The following PTPRN variants were observed in gnomAD, a reference collection of about 807,000 sequenced individuals.
The protein encoded by PTPRN is receptor-type tyrosine-protein phosphatase-like N.
PTPRN carries 70 observed loss-of-function variants against 108.5 expected under a neutral mutation model. The ratio of observed to expected loss-of-function variants is 0.65; its 90% CI spans 0.53 to 0.79. PTPRN has a LOEUF of 0.79. Among genes scored for constraint, PTPRN ranks in the 30% least tolerant of loss-of-function variants. PTPRN has a pLI of 0.00. For missense variants in PTPRN, 1,136 were observed against 1,295.5 expected, an observed-to-expected ratio of 0.88 and a Z score of 1.89; for synonymous variants, 496 against 524.6, an observed-to-expected ratio of 0.95 and a Z score of 0.75.
chr2:219,308,827 G>A lies in PTPRN; in HGVS notation c.115+391C>T. 4 of 1,306,370 alleles carry A rather than the reference G, an allele frequency of 3.1e-6. No individual in the cohort carries two copies. The South Asian group carries it at 3.7e-5, about 12-fold the overall frequency. 80.9% of individuals were successfully genotyped at this position (1,306,370 alleles called of 1,614,324 possible). A position where few individuals can be genotyped will look rare whatever the true frequency, so the allele number is the denominator to read the frequency against. ...AGGCTTCCACTGCCCAGAGATCACC[G>A]TTCCCTCATTCTCCCCGCCACCTCC... On this transcript the variant is annotated intron_variant, in intron 1 of 22. Coordinates refer to ENST00000295718, the MANE Select transcript of PTPRN (RefSeq NM_002846.4).
rs533092333 is a variant in PTPRN at position 219,293,299 on chromosome 2, G to A, written c.2675+1676C>T. ...AGGTTTAAGAGATTCTCCTGCCTCA[G>A]CCTCCCGAGTAGCTGGGAGTACAGG... On this transcript the variant is annotated intron_variant, in intron 19 of 22. Transcript: ENST00000295718. 5.3e-5 allele frequency among the ~76,000 whole-genome samples: 8 copies of A among 152,226 alleles called. No individual in the cohort carries two copies. In the East Asian group the frequency reaches 1.4e-3, roughly 26 times the overall value.
Position 219,297,293 on chromosome 2 carries a change from CG to C in PTPRN, c.2027del (p.Pro676ArgfsTer19). 6.2e-7 allele frequency: 1 copy of C among 1,614,004 alleles called. No individual in the cohort carries two copies. On this transcript the variant is annotated frameshift_variant, in exon 14 of 23. Coordinates refer to ENST00000295718, the MANE Select transcript of PTPRN (RefSeq NM_002846.4). LOFTEE classifies it high-confidence loss of function. This position sits in a 1 kb window ranked among gnomAD's most constrained non-coding sequence, Gnocchi z 6.0. Reference protein sequence around the residue: ...QASPSSHSSTPSWCEEPAQAN... With the variant: ...QASPSSHSSTXSWCEEPAQAN... ...CTTGGGCCGGCTCCTCGCACCAGGA[CG>C]GGGTGCTGCTGTGGGAGCTGGGGCT... is the stretch of plus-strand genomic sequence containing the variant.
chr2:219,290,107 G>A lies in PTPRN; in HGVS notation c.*119C>T, dbSNP rs1481172116. ...TGGCTTTCCCTTCCTGACTCTTCTA[G>A]GAAGGGCTGAGCATGCCCAAGAGGT... On this transcript the variant is annotated 3_prime_UTR_variant, in exon 23 of 23. Coordinates refer to ENST00000295718, the MANE Select transcript of PTPRN (RefSeq NM_002846.4). This position sits in a 1 kb window ranked among gnomAD's most constrained non-coding sequence, Gnocchi z 4.2. 28 of 975,944 alleles carry A rather than the reference G, an allele frequency of 2.9e-5. No individual in the cohort carries two copies. The highest frequency in any genetic ancestry group is 4.3e-4 in the Middle Eastern group (2 of 4,614). 60.5% of individuals were successfully genotyped at this position (975,944 alleles called of 1,614,324 possible).
intron 19 of PTPRN, among the ~76,000 whole-genome samples, chr2:219,294,566 G>C (rs77242849): frequency 0.11 from 16,500 of 145,298 alleles, 1,148 homozygotes; most frequent in Middle Eastern, 0.25. Context: ...GAGAGACGGA[G>C]GGGGCAGCAA....
At chr2:219,291,002 G>A (rs893227989) in intron 20 of PTPRN, 112 bp from the exon 21 acceptor site, 40 of 1,050,482 alleles carry the variant, frequency 3.8e-5, no homozygotes, top group African/African-American at 3.0e-4. Flanking sequence ...TGGGTGACCC[G>A]TTGGGGTTGG....
At chr2:219,304,705 A>G (rs886819390) in intron 3 of PTPRN, among the ~76,000 whole-genome samples, 1 of 152,208 alleles carries the variant, frequency 6.6e-6, no homozygotes, top group Non-Finnish European at 1.5e-5. Context: ...TCCTCTGAGC[A>G]CTAGATTTCA....
chr2:219,307,675 T>C lies in PTPRN; in HGVS notation c.166+117A>G. On this transcript the variant is annotated intron_variant, in intron 2 of 22. Transcript: ENST00000295718. Reference sequence around the variant, plus strand: ...CCCTACCTCTCCTCCTCCAGGCAAGTCTTCCTTCTTCTCAAGCCCAGTAGC... The same window carrying C: ...CCCTACCTCTCCTCCTCCAGGCAAGCCTTCCTTCTTCTCAAGCCCAGTAGC... 4 of 1,465,322 alleles carry C rather than the reference T, an allele frequency of 2.7e-6. No homozygotes were observed. In the Middle Eastern group the frequency reaches 7.3e-4, roughly 266 times the overall value. 90.8% of individuals were successfully genotyped at this position (1,465,322 alleles called of 1,614,324 possible).
Position 219,296,142 on chromosome 2 carries a change from T to C in PTPRN, c.2508+84A>G. 1 of 1,584,074 alleles carries C rather than the reference T, an allele frequency of 6.3e-7. No individual in the cohort carries two copies. Among genetic ancestry groups the C allele is most frequent in the Non-Finnish European group, 8.7e-7 (1 of 1,155,890 alleles). ...CCTTTTTAAAAAGACTGTTGAGTGC[T>C]CATTTGGTGAAGAAAACGTTACGAA... On this transcript the variant is annotated intron_variant, in intron 18 of 22. Coordinates refer to ENST00000295718, the MANE Select transcript of PTPRN (RefSeq NM_002846.4). This position sits in a 1 kb window ranked among gnomAD's most constrained non-coding sequence, Gnocchi z 6.0.
chr2:219,306,582 C>T (rs757674158), intron 3 of PTPRN, among the ~76,000 whole-genome samples: 9 of 152,162 alleles, frequency 5.9e-5, no homozygotes, highest in Non-Finnish European at 1.2e-4. Flanking sequence ...TCCTTCTTTA[C>T]TCAGAGTAAA....
Position 219,290,663 on chromosome 2 carries a change from A to G in PTPRN, c.2795-52T>C, listed in dbSNP as rs1323632758. 3 of 1,520,424 alleles carry G rather than the reference A, an allele frequency of 2.0e-6. No homozygotes were observed. The highest frequency in any genetic ancestry group is 2.7e-6 in the Non-Finnish European group (3 of 1,118,322). 94.2% of individuals were successfully genotyped at this position (1,520,424 alleles called of 1,614,324 possible). On this transcript the variant is annotated intron_variant, in intron 21 of 22. Coordinates refer to ENST00000295718, the MANE Select transcript of PTPRN (RefSeq NM_002846.4). This position sits in a 1 kb window ranked among gnomAD's most constrained non-coding sequence, Gnocchi z 4.2. ...GCTCAGGGGGTGTCCAGAGGAGGACAGGACCCAGAAAACCTGAGGCCTCCT... is the reference window on the plus strand; with the variant it reads ...GCTCAGGGGGTGTCCAGAGGAGGACGGGACCCAGAAAACCTGAGGCCTCCT...
In PTPRN at chr2:219,300,237, C is replaced by T; in HGVS notation, c.1184G>A (p.Gly395Asp). ...GGCTGGAAGCTCTGCTGTGTCTCTG[C>T]CCTCCACCGGCCCCTCCATTGTCTG... ...IKKTMEGPVE[G>D]RDTAELPART... Residue 395 changes from glycine to aspartate, a missense_variant, in exon 9 of 23, where the codon GGC becomes GAC. Physicochemically the swap from Gly to Asp is moderately conservative, Grantham distance 94. Coordinates refer to ENST00000295718, the MANE Select transcript of PTPRN (RefSeq NM_002846.4). The T allele has an allele frequency of 6.3e-7, 1 of 1,580,876 alleles. No individual in the cohort carries two copies. Among genetic ancestry groups the T allele is most frequent in the Non-Finnish European group, 8.6e-7 (1 of 1,161,808 alleles).
chr2:219,297,330 G>A lies in PTPRN; in HGVS notation c.1991C>T (p.Ala664Val). 2 of 1,614,054 alleles carry A rather than the reference G, an allele frequency of 1.2e-6. No homozygotes were observed. The highest frequency in any genetic ancestry group is 1.7e-6 in the Non-Finnish European group (2 of 1,180,044). The change falls in exon 14 of 23, where the codon GCA becomes GTA. Residue 664 changes from alanine (A) to valine (V), a missense_variant. Transcript: ENST00000295718. This position sits in a 1 kb window ranked among gnomAD's most constrained non-coding sequence, Gnocchi z 6.0. ...VSSVSSQFSD[A>V]AQASPSSHSS... ...GTGGGAGCTGGGGCTGGCCTGGGCT[G>A]CGTCGCTGAACTGGGAGGACACACT...
At chr2:219,304,421 A>G (rs1425932962) in intron 3 of PTPRN, among the ~76,000 whole-genome samples, 3 of 152,110 alleles carry the variant, frequency 2.0e-5, no homozygotes, top group African/African-American at 7.2e-5. Flanking sequence ...CATTGTCGTC[A>G]TCATCATCAT....
chr2:219,293,848 GC>G (rs1444665632), intron 19 of PTPRN, among the ~76,000 whole-genome samples: 2 of 152,222 alleles, frequency 1.3e-5, no homozygotes, highest in Non-Finnish European at 2.9e-5. Flanking sequence ...GTGGGCCCCT[GC>G]CCTTGGTAGT....
rs1952202036 is a variant in PTPRN at position 219,296,581 on chromosome 2, G to C, written c.2311-65C>G. ...ATGCCACTATGGACAGGCGTGGTCA[G>C]AGCAAGTGGGTCAGGGTCTGAGAAG... On this transcript the variant is annotated intron_variant, in intron 16 of 22. Coordinates refer to ENST00000295718, the MANE Select transcript of PTPRN (RefSeq NM_002846.4). This position sits in a 1 kb window ranked among gnomAD's most constrained non-coding sequence, Gnocchi z 6.0. 1 of 1,596,226 alleles carries C rather than the reference G, an allele frequency of 6.3e-7. No individual in the cohort carries two copies. The highest frequency in any genetic ancestry group is 1.1e-5 in the South Asian group (1 of 90,436).
Position 219,298,112 on chromosome 2 carries a change from A to AGCCTCCTCC in PTPRN, c.1669-10_1669-9insGGAGGAGGC. The AGCCTCCTCC allele has an allele frequency of 6.2e-7, 1 of 1,610,138 alleles. No homozygotes were observed. Among genetic ancestry groups the AGCCTCCTCC allele is most frequent in the Non-Finnish European group, 8.5e-7 (1 of 1,179,516 alleles). On this transcript the variant is annotated splice_polypyrimidine_tract_variant and intron_variant, in intron 12 of 22. Transcript: ENST00000295718. ...GCAGCTGCCTCCTCCCTCTGTGGGA[A>AGCCTCCTCC]CAAGGCTAGAATCAAGGGAGGCAGT... is the stretch of plus-strand genomic sequence containing the variant.
At position 219,296,687 on chromosome 2, in the gene PTPRN, G is replaced by A; in HGVS notation, c.2310+62C>T. On this transcript the variant is annotated intron_variant, in intron 16 of 22. Transcript: ENST00000295718. This position sits in a 1 kb window ranked among gnomAD's most constrained non-coding sequence, Gnocchi z 6.0. ...GGGTGGCAGGTGACCACGGGGAAAT[G>A]GAGTGCATAGGGCCAGGATAATGAT... 2 of 1,595,464 alleles carry A rather than the reference G, an allele frequency of 1.3e-6. No individual in the cohort carries two copies. The highest frequency in any genetic ancestry group is 1.7e-6 in the Non-Finnish European group (2 of 1,167,490).
At chr2:219,307,714 G>A (rs760874131) in intron 2 of PTPRN, 78 bp downstream of exon 2, 160 of 1,551,122 alleles carry the variant, frequency 1.0e-4, no homozygotes, top group Non-Finnish European at 1.3e-4. Flanking sequence ...CTTCCTTTCT[G>A]GGCCTTCTCT....
chr2:219,298,707 T>C (rs189240019), intron 12 of PTPRN, among the ~76,000 whole-genome samples: 6 of 152,330 alleles, frequency 3.9e-5, no homozygotes, highest in Admixed American at 3.9e-4. Context: ...TGAAACTCTG[T>C]CTCAGACAAA....
Sources: allele counts gnomAD v4.1 joint callset (sites outside exome capture counted in the v4.1 genomes callset), GRCh38; gene constraint gnomAD v4.1.1; non-coding constraint Gnocchi (gnomAD v3.1); transcripts MANE v1.5; gene names NCBI Gene and HGNC (gene_info 2026-07-23, HGNC 2026-07-21).